GRIK1: variants seen among roughly 807,000 people sequenced by gnomAD.
GRIK1 encodes glutamate receptor ionotropic, kainate 1.
In GRIK1, 69 loss-of-function variants were observed where a neutral mutation model predicts 105.7. The observed-to-expected ratio is 0.65, with a 90% CI of 0.54 to 0.80. The LOEUF (loss-of-function observed/expected upper bound fraction) is 0.80, where lower values mean the gene tolerates loss of function less well. Among genes scored for constraint, GRIK1 ranks in the 30% least tolerant of loss-of-function variants. The pLI, the probability that GRIK1 is intolerant of heterozygous loss-of-function variation, is 0.00. For synonymous variants in GRIK1, 438 were observed against 431.3 expected (o/e 1.02, Z -0.19); for missense variants, 1,109 against 1,167.3 (o/e 0.95, Z 0.73).
chr21:29,637,448 C>T (rs560905770), intron 7 of GRIK1, among the ~76,000 whole-genome samples: 1 of 152,298 alleles, frequency 6.6e-6, no homozygotes, highest in South Asian at 2.1e-4. Context: ...TCTGGTAGCT[C>T]ATGCTGTAGT....
intron 16 of GRIK1, among the ~76,000 whole-genome samples, chr21:29,546,007 TA>T (rs2090044968): frequency 6.6e-6 from 1 of 152,178 alleles, no homozygotes; most frequent in Non-Finnish European, 1.5e-5. Context: ...TCAGCTGGGA[TA>T]AGGAGAAGTG....
At chr21:29,829,841 G>A (rs1455752896) in intron 1 of GRIK1, among the ~76,000 whole-genome samples, 1 of 151,998 alleles carries the variant, frequency 6.6e-6, no homozygotes, top group Admixed American at 6.6e-5. Flanking sequence ...TAATCAGAAA[G>A]AATAGAAACA....
At chr21:29,705,571 T>C (rs1360284430) in intron 1 of GRIK1, among the ~76,000 whole-genome samples, 3 of 152,384 alleles carry the variant, frequency 2.0e-5, no homozygotes, top group South Asian at 4.1e-4. Context: ...TTTGCAGTCT[T>C]AAATATTGTT....
At chr21:29,921,623 G>T (rs910291653) in intron 1 of GRIK1, among the ~76,000 whole-genome samples, 3 of 151,174 alleles carry the variant, frequency 2.0e-5, no homozygotes, top group Non-Finnish European at 4.4e-5. Context: ...GAGTTTTCAC[G>T]AATCAAATAA....
In GRIK1 at chr21:29,743,001, G is replaced by A. The variant is rs547095892; in HGVS notation, c.119-48938C>T. 2.7e-5 allele frequency among the ~76,000 whole-genome samples: 4 copies of A among 150,694 alleles called. No individual in the cohort carries two copies. The East Asian group carries it at 7.8e-4, about 29-fold the overall frequency. On this transcript the variant is annotated intron_variant, in intron 1 of 17. Coordinates refer to ENST00000327783, the MANE Select transcript of GRIK1 (RefSeq NM_001330994.2). ...TGTTTTAATTATAGAGCCTTTACAG[G>A]ATGGTTTCACGCTGGATGGGGCTAG... is the stretch of plus-strand genomic sequence containing the variant.
At chr21:29,900,425 G>C (rs960015754) in intron 1 of GRIK1, among the ~76,000 whole-genome samples, 5 of 144,640 alleles carry the variant, frequency 3.5e-5, no homozygotes, top group Middle Eastern at 3.3e-3. Context: ...TTGAAATAAA[G>C]GGATGAAGGA....
intron 1 of GRIK1, among the ~76,000 whole-genome samples, chr21:29,716,332 G>A (rs554842871): frequency 6.6e-6 from 1 of 152,284 alleles, no homozygotes; most frequent in Admixed American, 6.5e-5. Flanking sequence ...AAGCAACTTT[G>A]GGACTGGATA....
intron 5 of GRIK1, among the ~76,000 whole-genome samples, chr21:29,653,550 C>G (rs911610649): frequency 6.6e-6 from 1 of 152,216 alleles, no homozygotes; most frequent in Admixed American, 6.5e-5. Flanking sequence ...CCAGGGTGTT[C>G]ACAGCTGGAG....
intron 7 of GRIK1, among the ~76,000 whole-genome samples, chr21:29,618,799 A>G (rs1168587416): frequency 4.6e-5 from 7 of 152,148 alleles, no homozygotes; most frequent in Non-Finnish European, 4.4e-5. Context: ...TCACTCATAA[A>G]TGGGAGCTAA....
At chr21:29,649,098 GAC>G in intron 6 of GRIK1, among the ~76,000 whole-genome samples, 1 of 152,146 alleles carries the variant, frequency 6.6e-6, no homozygotes, top group East Asian at 1.9e-4. Flanking sequence ...CACCTCCCAT[GAC>G]ACAGTTTCCA....
intron 1 of GRIK1, among the ~76,000 whole-genome samples, chr21:29,743,357 G>A (rs1011395466): frequency 3.3e-5 from 5 of 152,098 alleles, no homozygotes; most frequent in Non-Finnish European, 5.9e-5. Context: ...GGAAGAGGGT[G>A]GACAGACATG....
chr21:29,774,219 CT>C (rs1569077240), intron 1 of GRIK1, among the ~76,000 whole-genome samples: 2 of 152,252 alleles, frequency 1.3e-5, no homozygotes, highest in East Asian at 3.9e-4. Flanking sequence ...CTTTTGTCCC[CT>C]TGGCTTACAA....
chr21:29,545,725 A>G (rs182630984), intron 16 of GRIK1, among the ~76,000 whole-genome samples: 19 of 152,226 alleles, frequency 1.2e-4, no homozygotes, highest in Admixed American at 4.6e-4. Flanking sequence ...GCACGTATGC[A>G]CTACATGCAT....
intron 1 of GRIK1, among the ~76,000 whole-genome samples, chr21:29,703,876 A>T (rs989056307): frequency 1.3e-5 from 2 of 152,200 alleles, no homozygotes; most frequent in African/African-American, 4.8e-5. Flanking sequence ...TGAGACAATA[A>T]CCACATCCAG....
At chr21:29,655,408 C>CA (rs542773946) in intron 4 of GRIK1, among the ~76,000 whole-genome samples, 8,514 of 135,664 alleles carry the variant, frequency 0.063, 274 homozygotes, top group Non-Finnish European at 0.082. Context: ...AACTCCGTCT[C>CA]AAAAAAAAAA....
chr21:29,745,484 T>C (rs999931620), intron 1 of GRIK1, among the ~76,000 whole-genome samples: 2 of 152,326 alleles, frequency 1.3e-5, no homozygotes, highest in Admixed American at 6.5e-5. Flanking sequence ...GGGTAACTGA[T>C]AGATAACTTA....
At chr21:29,890,133 C>T (rs1027463450) in intron 1 of GRIK1, among the ~76,000 whole-genome samples, 1 of 151,950 alleles carries the variant, frequency 6.6e-6, no homozygotes, top group Non-Finnish European at 1.5e-5. Context: ...ATTTACCTCC[C>T]CAATTAGACT....
At position 29,589,058 on chromosome 21, in the gene GRIK1, C is replaced by T. The variant is rs766474497; in HGVS notation, c.1366-16G>A. The T allele has an allele frequency of 7.3e-7, 1 of 1,378,914 alleles. No individual in the cohort carries two copies. The highest frequency in any genetic ancestry group is 1.0e-6 in the Non-Finnish European group (1 of 973,308). The allele number at this position is 1,378,914 out of a possible 1,614,324, so 85.4% of individuals were successfully genotyped here. A position where few individuals can be genotyped will look rare whatever the true frequency, so the allele number is the denominator to read the frequency against. On this transcript the variant is annotated splice_polypyrimidine_tract_variant and intron_variant, in intron 10 of 17. Coordinates refer to ENST00000327783, the MANE Select transcript of GRIK1 (RefSeq NM_001330994.2). Reference sequence around the variant, plus strand: ...AGGGTTCTTCCTAAATGAAACAAACCAAATATGAAAACCCTGTTATAATGA... The same window carrying T: ...AGGGTTCTTCCTAAATGAAACAAACTAAATATGAAAACCCTGTTATAATGA...
intron 1 of GRIK1, among the ~76,000 whole-genome samples, chr21:29,846,749 G>T (rs2068137398): frequency 6.6e-6 from 1 of 152,036 alleles, no homozygotes; most frequent in Non-Finnish European, 1.5e-5. Context: ...GTTTGATTTT[G>T]GTTCAGATTT....
Sources: allele counts gnomAD v4.1 joint callset (sites outside exome capture counted in the v4.1 genomes callset), GRCh38; gene constraint gnomAD v4.1.1; transcripts MANE v1.5; gene names NCBI Gene and HGNC (gene_info 2026-07-23, HGNC 2026-07-21).